Variants in SLC28A3 observed in about 807,000 individuals in gnomAD.
SLC28A3 encodes concentrative Na(+)-nucleoside cotransporter 3.
A neutral mutation model predicts 84.2 loss-of-function variants in SLC28A3; 68 were observed. The observed-to-expected ratio is 0.81, with a 90% CI of 0.66 to 0.99. SLC28A3 has a LOEUF of 0.99. Among genes scored for constraint, SLC28A3 ranks in the 50% least tolerant of loss-of-function variants. The probability of loss-of-function intolerance (pLI) is 0.00; values close to 1 mark genes in which losing one functional copy is unlikely to be tolerated. For missense variants in SLC28A3, 712 were observed against 841.5 expected (o/e 0.85, Z 1.90); for synonymous variants, 267 against 303.6 (o/e 0.88, Z 1.25).
At chr9:84,366,907 G>T in the SLC28A3 span, among the ~76,000 whole-genome samples, 21,576 of 152,158 alleles carry the variant, frequency 0.14, 1,826 homozygotes, top group African/African-American at 0.24. Context: ...CCTATGTTCT[G>T]TCAAGGCCCT....
At chr9:84,352,945 T>C in the SLC28A3 span, among the ~76,000 whole-genome samples, 1 of 151,352 alleles carries the variant, frequency 6.6e-6, no homozygotes, top group Admixed American at 6.6e-5. Context: ...TTATTAAGAT[T>C]TTTAGTATGA....
rs1294622333 is a variant in SLC28A3 at position 84,302,362 on chromosome 9, C to T, written c.362G>A (p.Cys121Tyr). The part of the protein sequence containing the change: ...AGYLVMVISA[C>Y]VLNFHRALPL... ...AAGGGCTCTGTGAAAGTTCAGCACA[C>T]AGGCCGAAATCACCATAACCAGATA... Residue 121 changes from cysteine (C) to tyrosine (Y), a missense_variant, in exon 5 of 18, where the codon TGT (cysteine) becomes TAT (tyrosine). By Grantham distance (194) the Cys-to-Tyr change is radical. Transcript: ENST00000376238. The T allele has an allele frequency of 6.2e-7, 1 of 1,613,938 alleles. No homozygotes were observed. Among genetic ancestry groups the T allele is most frequent in the Non-Finnish European group, 8.5e-7 (1 of 1,179,936 alleles).
At chr9:84,322,062 A>G (rs1826399028) in intron 1 of SLC28A3, among the ~76,000 whole-genome samples, 1 of 152,254 alleles carries the variant, frequency 6.6e-6, no homozygotes, top group Non-Finnish European at 1.5e-5. Flanking sequence ...CAACAACAAC[A>G]AGAAGAAACA....
At position 84,278,068 on chromosome 9, in the gene SLC28A3, G is replaced by T. The variant is rs1824587626; in HGVS notation, c.*150C>A. Reference sequence around the variant, plus strand: ...GGAGGAAAATGTTGTAGCTTTGAAGGTCCACTCTTGTTTTTCTTCATTCCT... The same window carrying T: ...GGAGGAAAATGTTGTAGCTTTGAAGTTCCACTCTTGTTTTTCTTCATTCCT... On this transcript the variant is annotated 3_prime_UTR_variant, in exon 18 of 18. Transcript: ENST00000376238. The T allele has an allele frequency of 4.9e-6, 5 of 1,027,422 alleles. No homozygotes were observed. In the South Asian group the frequency reaches 9.9e-5, roughly 20 times the overall value. 63.6% of individuals were successfully genotyped at this position (1,027,422 alleles called of 1,614,324 possible).
intron 1 of SLC28A3, among the ~76,000 whole-genome samples, chr9:84,338,838 A>G (rs572120616): frequency 6.6e-6 from 1 of 152,230 alleles, no homozygotes; most frequent in Admixed American, 6.5e-5. Context: ...AAATGCCCAC[A>G]TTTTGGCACA....
upstream of SLC28A3, among the ~76,000 whole-genome samples, chr9:84,343,344 T>C (rs190927134): frequency 6.6e-5 from 10 of 152,354 alleles, no homozygotes; most frequent in African/African-American, 2.2e-4. Flanking sequence ...TTTCTCTTTA[T>C]CAGTGACTGA....
intron 14 of SLC28A3, among the ~76,000 whole-genome samples, chr9:84,284,313 T>A (rs147303823): frequency 3.0e-4 from 45 of 152,218 alleles, no homozygotes; most frequent in Middle Eastern, 3.4e-3. Context: ...ATCTACAGAG[T>A]CCCTGCTCAT....
At chr9:84,282,194 A>C (rs1427489976) in intron 14 of SLC28A3, among the ~76,000 whole-genome samples, 2 of 152,148 alleles carry the variant, frequency 1.3e-5, no homozygotes, top group Non-Finnish European at 2.9e-5. Context: ...CATAATTTAC[A>C]GTGAAAGACT....
In SLC28A3 at chr9:84,280,006, G is replaced by A. The variant is rs150657465; in HGVS notation, c.1797C>T (p.Thr599=). ...SGAVRALIAG[T]VACFMTACIA... Reference sequence around the variant, plus strand: ...TGCAGGCTGTCATGAAGCAGGCCACGGTCCCCGCAATCAGAGCTCTCACTG... The same window carrying A: ...TGCAGGCTGTCATGAAGCAGGCCACAGTCCCCGCAATCAGAGCTCTCACTG... Residue 599 remains threonine (T), a synonymous_variant, in exon 16 of 18, where the codon ACC becomes ACT. Transcript: ENST00000376238. 2,203 of 1,613,988 alleles carry A rather than the reference G, an allele frequency of 1.4e-3. 3 individuals are homozygous for A. Among genetic ancestry groups the A allele is most frequent in the Non-Finnish European group, 1.7e-3 (1,995 of 1,180,006 alleles).
At chr9:84,281,008 A>G in intron 14 of SLC28A3, 126 bp from the exon 15 acceptor site, 1 of 849,232 alleles carries the variant, frequency 1.2e-6, no homozygotes. Flanking sequence ...CCATGGTATC[A>G]AATACCCATT....
upstream of SLC28A3, among the ~76,000 whole-genome samples, chr9:84,343,132 C>T (rs10119328): frequency 0.054 from 8,149 of 151,354 alleles, 444 homozygotes; most frequent in East Asian, 0.17. Flanking sequence ...TGTGGTGAGT[C>T]GAGATCACGC....
At chr9:84,359,738 G>A in the SLC28A3 span, among the ~76,000 whole-genome samples, 4 of 152,128 alleles carry the variant, frequency 2.6e-5, no homozygotes, top group South Asian at 2.1e-4. Context: ...GGTGGCTCAC[G>A]GCTGTAATCC....
chr9:84,279,253 A>G lies in SLC28A3; in HGVS notation c.1949+12T>C. On this transcript the variant is annotated intron_variant, in intron 17 of 17. Transcript: ENST00000376238. ...ATGGAGTATAAAGAAATTATAATCA[A>G]GAATACAATACCTGCTCAACAGACT... 7 of 1,598,870 alleles carry G rather than the reference A, an allele frequency of 4.4e-6. No homozygotes were observed. The highest frequency in any genetic ancestry group is 6.0e-6 in the Non-Finnish European group (7 of 1,174,880).
the SLC28A3 span, among the ~76,000 whole-genome samples, chr9:84,353,038 A>G: frequency 3.2e-4 from 48 of 152,168 alleles, no homozygotes; most frequent in African/African-American, 1.1e-3. Context: ...TATTGACACA[A>G]CAATGAGATT....
rs1422889539 is a variant in SLC28A3, at chr9:84,304,468, A to C, written c.334+786T>G. Reference sequence around the variant, plus strand: ...CAAAAAATAACAGTACAACAAAAAAAAAAAACAAAAACAAACCAAAACAAA... The same window carrying C: ...CAAAAAATAACAGTACAACAAAAAACAAAAACAAAAACAAACCAAAACAAA... On this transcript the variant is annotated intron_variant, in intron 4 of 17. Coordinates refer to ENST00000376238, the MANE Select transcript of SLC28A3 (RefSeq NM_001199633.2). Among the ~76,000 whole-genome samples the C allele has an allele frequency of 7.9e-5, 12 of 152,278 alleles. No homozygotes were observed. In the East Asian group the frequency reaches 9.6e-4, roughly 12 times the overall value.
intron 1 of SLC28A3, among the ~76,000 whole-genome samples, chr9:84,335,869 T>C (rs1321943018): frequency 2.0e-5 from 3 of 152,222 alleles, no homozygotes; most frequent in Admixed American, 6.5e-5. Flanking sequence ...CAGAGCAGCA[T>C]TTAGGCCCTC....
At chr9:84,360,742 A>C in the SLC28A3 span, among the ~76,000 whole-genome samples, 1 of 151,190 alleles carries the variant, frequency 6.6e-6, no homozygotes, top group Admixed American at 6.6e-5. Context: ...ACATAGTGAG[A>C]CCTTGTGTCT....
chr9:84,328,656 G>A (rs2118564451), intron 1 of SLC28A3, among the ~76,000 whole-genome samples: 1 of 152,302 alleles, frequency 6.6e-6, no homozygotes, highest in Middle Eastern at 3.4e-3. Context: ...CTTCTCGCGA[G>A]GCTGAGACAG....
At chr9:84,324,991 C>T (rs1826503818) in intron 1 of SLC28A3, among the ~76,000 whole-genome samples, 1 of 152,166 alleles carries the variant, frequency 6.6e-6, no homozygotes, top group African/African-American at 2.4e-5. Flanking sequence ...TATGAGGTTG[C>T]TGGCTAGTTT....
Sources: gnomAD v4.1 joint callset for allele counts (sites outside exome capture counted in the v4.1 genomes callset) on GRCh38, gnomAD v4.1.1 for gene constraint, MANE v1.5 for transcripts, NCBI Gene and HGNC (gene_info 2026-07-23, HGNC 2026-07-21) for gene names.